The following PALS2 variants were observed in gnomAD, a reference collection of about 807,000 sequenced individuals.
The protein encoded by PALS2 is protein associated with LIN7 2, MAGUK p55 family member, also known as protein PALS2.
A neutral mutation model predicts 61.6 loss-of-function variants in PALS2; 27 were observed. The ratio of observed to expected loss-of-function variants is 0.44; its 90% CI spans 0.32 to 0.60. PALS2 has a LOEUF of 0.60. Ranked by LOEUF, PALS2 falls within the 20% of genes least tolerant of loss-of-function variation. PALS2 has a pLI of 0.05. For missense variants in PALS2, 554 were observed against 639.4 expected (o/e 0.87, Z 1.44); for synonymous variants, 236 against 218.6 (o/e 1.08, Z -0.70).
At chr7:24,623,843 A>G (rs41275961) in intron 2 of PALS2, 59 bp downstream of exon 2, 71,761 of 1,243,038 alleles carry the variant, frequency 0.058, 2,280 homozygotes, top group African/African-American at 0.096. Context: ...TTATAGAGAT[A>G]TTTTCAGATA....
At chr7:24,662,180 A>G (rs950854930) in intron 5 of PALS2, among the ~76,000 whole-genome samples, 20 of 152,232 alleles carry the variant, frequency 1.3e-4, no homozygotes, top group African/African-American at 4.6e-4. Context: ...TATGAAAATC[A>G]TCTAATTATA....
At chr7:24,650,961 A>G (rs1786118790) in intron 5 of PALS2, among the ~76,000 whole-genome samples, 1 of 152,238 alleles carries the variant, frequency 6.6e-6, no homozygotes, top group Non-Finnish European at 1.5e-5. Context: ...ACCTACAGCT[A>G]GGTATCAGAA....
At position 24,604,807 on chromosome 7, in the gene PALS2, CCA is replaced by C. The variant is rs1783839068; in HGVS notation, c.-2-18857_-2-18856del. Among the ~76,000 whole-genome samples, 3 of 152,292 alleles carry C rather than the reference CCA, an allele frequency of 2.0e-5. No homozygotes were observed. The South Asian group carries it at 6.2e-4, about 32-fold the overall frequency. The stretch of plus-strand genomic sequence containing the variant: ...AAAGACTCCACCTCCAAATACCATC[CCA>C]CTGGGAATTAGGGTTTTAGCATATG... On this transcript the variant is annotated intron_variant, in intron 1 of 11. Coordinates refer to ENST00000222644, the MANE Select transcript of PALS2 (RefSeq NM_001303037.2).
chr7:24,655,552 G>A (rs932302360), intron 5 of PALS2, among the ~76,000 whole-genome samples: 2 of 150,994 alleles, frequency 1.3e-5, no homozygotes, highest in African/African-American at 2.4e-5. Flanking sequence ...ATCGACAAAA[G>A]CAGTCCTTGC....
intron 5 of PALS2, among the ~76,000 whole-genome samples, chr7:24,653,050 C>T (rs1421504725): frequency 6.6e-6 from 1 of 152,156 alleles, no homozygotes; most frequent in Non-Finnish European, 1.5e-5. Context: ...TAGGAATTCT[C>T]TCTTATTCTT....
chr7:24,636,873 T>C (rs1785264403), intron 2 of PALS2, among the ~76,000 whole-genome samples: 1 of 152,152 alleles, frequency 6.6e-6, no homozygotes, highest in Non-Finnish European at 1.5e-5. Context: ...GTATTTTGAC[T>C]TTGTCGATTT....
intron 2 of PALS2, among the ~76,000 whole-genome samples, chr7:24,641,444 A>G (rs1034791038): frequency 3.9e-5 from 6 of 152,278 alleles, no homozygotes; most frequent in Non-Finnish European, 5.9e-5. Context: ...TTTGTAAATA[A>G]TTAGCTGACT....
intron 1 of PALS2, among the ~76,000 whole-genome samples, chr7:24,613,260 T>C (rs1160998375): frequency 6.6e-6 from 1 of 151,712 alleles, no homozygotes; most frequent in African/African-American, 2.4e-5. Flanking sequence ...CCCTTGGAAA[T>C]CTTTCAGTTT....
At position 24,682,525 on chromosome 7, in the gene PALS2, T is replaced by A. The variant is rs199818874; in HGVS notation, c.1446+2005T>A. Reference sequence around the variant, plus strand: ...TCTCCCCATCCTACTGCCCAGAAACTCTTTCAAGCCAGGAAGCTGGGGTAA... The same window carrying A: ...TCTCCCCATCCTACTGCCCAGAAACACTTTCAAGCCAGGAAGCTGGGGTAA... On this transcript the variant is annotated intron_variant, in intron 11 of 11. Transcript: ENST00000222644. Among the ~76,000 whole-genome samples the A allele has an allele frequency of 4.6e-5, 7 of 152,196 alleles. No individual in the cohort carries two copies. The East Asian group carries it at 1.3e-3, about 29-fold the overall frequency.
intron 5 of PALS2, among the ~76,000 whole-genome samples, chr7:24,663,219 T>C (rs1183892166): frequency 6.6e-6 from 1 of 152,228 alleles, no homozygotes; most frequent in Non-Finnish European, 1.5e-5. Context: ...TTAAATCAAC[T>C]ACCTATATTA....
chr7:24,639,814 A>ATTTTTTTTTTTTTTTT (rs61073575), intron 2 of PALS2, among the ~76,000 whole-genome samples: 1 of 96,250 alleles, frequency 1.0e-5, no homozygotes, highest in African/African-American at 4.5e-5. Context: ...TTCTAGTCTA[A>ATTTTTTTTTTTTTTTT]TTTTTTTTTT....
rs766976777 is a variant in PALS2 at position 24,649,773 on chromosome 7, A to G, written c.423+9A>G. ...GAGCTGGGGAACCACTGGTGAGTAC[A>G]GATAAATCAGTACCCTATTAAATCT... On this transcript the variant is annotated intron_variant, in intron 4 of 11. Coordinates refer to ENST00000222644, the MANE Select transcript of PALS2 (RefSeq NM_001303037.2). The G allele has an allele frequency of 6.3e-7, 1 of 1,581,982 alleles. No homozygotes were observed. The highest frequency in any genetic ancestry group is 8.6e-7 in the Non-Finnish European group (1 of 1,164,442).
intron 1 of PALS2, among the ~76,000 whole-genome samples, chr7:24,606,637 G>A (rs1783910660): frequency 6.6e-6 from 1 of 151,982 alleles, no homozygotes; most frequent in Non-Finnish European, 1.5e-5. Context: ...TTGAGATGGG[G>A]TCTTGCTATG....
At chr7:24,633,348 G>A (rs1172074433) in intron 2 of PALS2, among the ~76,000 whole-genome samples, 1 of 142,002 alleles carries the variant, frequency 7.0e-6, no homozygotes, top group Non-Finnish European at 1.5e-5. Flanking sequence ...CAGGTTGGTG[G>A]AGTTTTTTTT....
At chr7:24,623,574 T>A in intron 1 of PALS2, 92 bp from the exon 2 acceptor site, 4 of 672,980 alleles carry the variant, frequency 5.9e-6, no homozygotes, top group Non-Finnish European at 9.6e-6. Context: ...AGTTGCATTA[T>A]TAAAATAATC....
chr7:24,662,009 CATT>C (rs1786745196), intron 5 of PALS2, among the ~76,000 whole-genome samples: 1 of 152,098 alleles, frequency 6.6e-6, no homozygotes, highest in African/African-American at 2.4e-5. Flanking sequence ...AGCTGCATGA[CATT>C]ATCAAGTTAG....
chr7:24,637,899 T>A (rs566049428), intron 2 of PALS2, among the ~76,000 whole-genome samples: 1 of 152,350 alleles, frequency 6.6e-6, no homozygotes, highest in Admixed American at 6.5e-5. Flanking sequence ...TTCCAACCAC[T>A]TGTGGCAAGT....
At chr7:24,593,712 T>C (rs1290796706) in intron 1 of PALS2, among the ~76,000 whole-genome samples, 2 of 152,212 alleles carry the variant, frequency 1.3e-5, no homozygotes, top group East Asian at 3.9e-4. Context: ...TTCTGAGCAG[T>C]ATGTCTCAAC....
intron 3 of PALS2, among the ~76,000 whole-genome samples, chr7:24,644,921 C>T (rs1312961855): frequency 1.3e-5 from 2 of 151,792 alleles, no homozygotes; most frequent in African/African-American, 4.8e-5. Context: ...TTTTTCATAT[C>T]CTTGTTGGCC....
Sources: allele counts gnomAD v4.1 joint callset (sites outside exome capture counted in the v4.1 genomes callset), GRCh38; gene constraint gnomAD v4.1.1; transcripts MANE v1.5; gene names NCBI Gene and HGNC (gene_info 2026-07-23, HGNC 2026-07-21).